ABTB3: variants seen among roughly 807,000 people sequenced by gnomAD.
ABTB3 encodes ankyrin repeat- and BTB/POZ domain-containing protein 3.
the ABTB3 span, among the ~76,000 whole-genome samples, chr12:107,483,842 A>G: frequency 2.0e-5 from 3 of 152,100 alleles, no homozygotes; most frequent in African/African-American, 4.8e-5. Flanking sequence ...ACATGCCAGT[A>G]TGCTTGGCTA....
At chr12:107,547,271 A>C in the ABTB3 span, among the ~76,000 whole-genome samples, 2 of 152,064 alleles carry the variant, frequency 1.3e-5, no homozygotes, top group African/African-American at 2.4e-5. Flanking sequence ...GAACAACAAC[A>C]ACCACAACCC....
chr12:107,340,868 T>G, the ABTB3 span, among the ~76,000 whole-genome samples: 1 of 152,074 alleles, frequency 6.6e-6, no homozygotes, highest in Non-Finnish European at 1.5e-5. Context: ...TTACAAAAAT[T>G]AGGAATTTGG....
the ABTB3 span, among the ~76,000 whole-genome samples, chr12:107,383,856 G>A: frequency 7.9e-4 from 120 of 152,354 alleles, 1 homozygote; most frequent in East Asian, 8.9e-3. Context: ...ATTGCAGACA[G>A]TTCAGATAAT....
At chr12:107,376,068 C>A in the ABTB3 span, among the ~76,000 whole-genome samples, 3 of 152,028 alleles carry the variant, frequency 2.0e-5, no homozygotes, top group East Asian at 1.9e-4. Context: ...TTCCTTCTAC[C>A]AGGATGGTGT....
chr12:107,338,968 G>A, the ABTB3 span, among the ~76,000 whole-genome samples: 18 of 152,222 alleles, frequency 1.2e-4, no homozygotes, highest in South Asian at 4.2e-4. Flanking sequence ...CTGGGACTAC[G>A]GGGTATGCCA....
chr12:107,632,112 A>C, the ABTB3 span, among the ~76,000 whole-genome samples: 2 of 152,332 alleles, frequency 1.3e-5, no homozygotes, highest in South Asian at 4.1e-4. Flanking sequence ...GTTCCAGCAG[A>C]GGAGGGGTCT....
chr12:107,537,040 C>A, the ABTB3 span, among the ~76,000 whole-genome samples: 1 of 152,082 alleles, frequency 6.6e-6, no homozygotes, highest in African/African-American at 2.4e-5. Flanking sequence ...TGGAATACCA[C>A]TCAGCCATTA....
the ABTB3 span, among the ~76,000 whole-genome samples, chr12:107,394,983 T>C: frequency 6.6e-6 from 1 of 152,214 alleles, no homozygotes; most frequent in Non-Finnish European, 1.5e-5. Context: ...CCCTCTCTTC[T>C]GGTCTCTCCA....
chr12:107,569,839 C>CTCT, the ABTB3 span, among the ~76,000 whole-genome samples: 1 of 152,202 alleles, frequency 6.6e-6, no homozygotes, highest in African/African-American at 2.4e-5. Context: ...AAGCAACGGT[C>CTCT]AGAAGTCCAG....
the ABTB3 span, among the ~76,000 whole-genome samples, chr12:107,394,835 C>A: frequency 6.6e-6 from 1 of 152,234 alleles, no homozygotes; most frequent in Non-Finnish European, 1.5e-5. Flanking sequence ...ATTGTTCTCT[C>A]TGCAAATACA....
chr12:107,493,865 A>G, the ABTB3 span, among the ~76,000 whole-genome samples: 1 of 152,092 alleles, frequency 6.6e-6, no homozygotes, highest in Non-Finnish European at 1.5e-5. Context: ...GCTGGCAGAG[A>G]AGCCTGGAGC....
the ABTB3 span, among the ~76,000 whole-genome samples, chr12:107,337,726 C>T: frequency 1.3e-5 from 2 of 152,190 alleles, no homozygotes; most frequent in African/African-American, 4.8e-5. Flanking sequence ...CAGTGTGACA[C>T]GTTGAAAGTT....
At chr12:107,413,371 A>G in the ABTB3 span, among the ~76,000 whole-genome samples, 1 of 152,246 alleles carries the variant, frequency 6.6e-6, no homozygotes, top group Non-Finnish European at 1.5e-5. Context: ...GGCAAGTTCA[A>G]GTAGCTTGCC....
the ABTB3 span, among the ~76,000 whole-genome samples, chr12:107,439,940 C>T: frequency 6.6e-6 from 1 of 152,220 alleles, no homozygotes; most frequent in African/African-American, 2.4e-5. Flanking sequence ...CTGCTTTACT[C>T]ATCAGTGGCT....
the ABTB3 span, among the ~76,000 whole-genome samples, chr12:107,508,383 A>C: frequency 7.1e-6 from 1 of 141,528 alleles, no homozygotes; most frequent in Non-Finnish European, 1.5e-5. Flanking sequence ...CTGCCCCCTC[A>C]TTATTTTACC....
the ABTB3 span, among the ~76,000 whole-genome samples, chr12:107,400,891 C>A: frequency 6.6e-6 from 1 of 152,106 alleles, no homozygotes; most frequent in African/African-American, 2.4e-5. Context: ...TTCCTGCCTC[C>A]CTAAGCAGCC....
chr12:107,610,915 G>A, the ABTB3 span, among the ~76,000 whole-genome samples: 15 of 152,282 alleles, frequency 9.9e-5, no homozygotes, highest in African/African-American at 3.6e-4. Flanking sequence ...GAACCGTCAT[G>A]GACAGAGAAA....
At chr12:107,453,634 G>C in the ABTB3 span, among the ~76,000 whole-genome samples, 129 of 152,296 alleles carry the variant, frequency 8.5e-4, no homozygotes, top group African/African-American at 2.9e-3. Flanking sequence ...ATATCAGCCC[G>C]AATGGACTAA....
At chr12:107,472,924 C>T in the ABTB3 span, among the ~76,000 whole-genome samples, 1 of 152,160 alleles carries the variant, frequency 6.6e-6, no homozygotes, top group Non-Finnish European at 1.5e-5. Context: ...TGACCTCCCT[C>T]AGCACCATCA....
Sources: allele counts gnomAD v4.1 joint callset (sites outside exome capture counted in the v4.1 genomes callset), GRCh38; gene constraint gnomAD v4.1.1; transcripts MANE v1.5; gene names NCBI Gene and HGNC (gene_info 2026-07-23, HGNC 2026-07-21).